WWOX: variants seen among roughly 807,000 people sequenced by gnomAD.
WWOX encodes WW domain-containing oxidoreductase.
WWOX carries 69 observed loss-of-function variants against 46.2 expected under a neutral mutation model. The ratio of observed to expected loss-of-function variants is 1.49; its 90% CI spans 1.23 to 1.82. The LOEUF (loss-of-function observed/expected upper bound fraction) is 1.82. Among genes scored for constraint, WWOX ranks in the 40% most tolerant of loss-of-function variants. WWOX has a pLI of 0.00. For synonymous variants in WWOX, 359 were observed against 202.6 expected (o/e 1.77, Z -6.56); for missense variants, 919 against 542.6 (o/e 1.69, Z -6.89).
intron 8 of WWOX, among the ~76,000 whole-genome samples, chr16:78,699,162 C>T (rs1002034306): frequency 6.6e-6 from 1 of 152,180 alleles, no homozygotes; most frequent in Admixed American, 6.5e-5. Context: ...TTTATAAAAA[C>T]AGGTCACGGG....
chr16:78,564,166 C>T (rs1348697691), intron 8 of WWOX, among the ~76,000 whole-genome samples: 1 of 152,200 alleles, frequency 6.6e-6, no homozygotes, highest in Non-Finnish European at 1.5e-5. Context: ...CTGACTCATG[C>T]AATCTTGAGC....
At chr16:78,711,021 A>G (rs2048433685) in intron 8 of WWOX, among the ~76,000 whole-genome samples, 1 of 152,200 alleles carries the variant, frequency 6.6e-6, no homozygotes, top group South Asian at 2.1e-4. Context: ...TGTCAAGGCC[A>G]GATTTCAGGA....
chr16:78,276,135 A>T (rs938454775), intron 5 of WWOX, among the ~76,000 whole-genome samples: 6 of 152,158 alleles, frequency 3.9e-5, no homozygotes, highest in African/African-American at 1.4e-4. Context: ...CATACACCTT[A>T]ACTCATGAGT....
At chr16:78,837,416 A>G (rs542094323) in intron 8 of WWOX, among the ~76,000 whole-genome samples, 15 of 152,344 alleles carry the variant, frequency 9.8e-5, no homozygotes, top group Admixed American at 1.3e-4. Context: ...AAGGCAATTC[A>G]CGGCAGTGGT....
chr16:78,715,445 T>A (rs1195678235), intron 8 of WWOX, among the ~76,000 whole-genome samples: 2 of 152,086 alleles, frequency 1.3e-5, no homozygotes, highest in Non-Finnish European at 2.9e-5. Context: ...TTTTACCAGC[T>A]GGGTCTGACT....
intron 8 of WWOX, among the ~76,000 whole-genome samples, chr16:78,696,591 G>T (rs117320966): frequency 0.013 from 1,949 of 152,240 alleles, 19 homozygotes; most frequent in South Asian, 0.036. Context: ...TATTCTACCA[G>T]GCACGGTGTT....
chr16:78,386,811 A>G lies in WWOX; in HGVS notation c.517-49A>G, dbSNP rs758275525. On this transcript the variant is annotated intron_variant, in intron 5 of 8. Transcript: ENST00000566780. ...CATTTACTGTAACTTGATACCATGAACTACACTTGCTGTTATTTATCATTT... is the reference window on the plus strand; with the variant it reads ...CATTTACTGTAACTTGATACCATGAGCTACACTTGCTGTTATTTATCATTT... 8 of 1,524,568 alleles carry G rather than the reference A, an allele frequency of 5.2e-6. No homozygotes were observed. In the South Asian group the frequency reaches 7.8e-5, roughly 15 times the overall value. The allele number at this position is 1,524,568 out of a possible 1,614,324, so 94.4% of individuals were successfully genotyped here.
intron 6 of WWOX, among the ~76,000 whole-genome samples, chr16:78,424,232 C>G (rs150080681): frequency 0.01 from 1,521 of 151,464 alleles, 23 homozygotes; most frequent in African/African-American, 0.035. Context: ...ATTCTCCGGC[C>G]TCAGCCTCCT....
At chr16:78,534,922 C>T (rs1273125972) in intron 8 of WWOX, among the ~76,000 whole-genome samples, 3 of 151,976 alleles carry the variant, frequency 2.0e-5, no homozygotes, top group South Asian at 2.1e-4. Context: ...CCATGGTGGC[C>T]GGGATGGTCT....
At chr16:79,174,031 A>T (rs920286011) in intron 8 of WWOX, among the ~76,000 whole-genome samples, 7 of 152,236 alleles carry the variant, frequency 4.6e-5, no homozygotes, top group African/African-American at 1.7e-4. Context: ...TGTATTTTCA[A>T]GATACGCAAT....
intron 8 of WWOX, among the ~76,000 whole-genome samples, chr16:78,688,909 C>T (rs904580980): frequency 3.3e-5 from 5 of 152,070 alleles, no homozygotes; most frequent in Admixed American, 6.5e-5. Context: ...TGGTTTTATA[C>T]GATGCTTTTC....
At chr16:78,385,390 T>A (rs984923519) in intron 5 of WWOX, among the ~76,000 whole-genome samples, 4 of 152,246 alleles carry the variant, frequency 2.6e-5, no homozygotes, top group Non-Finnish European at 5.9e-5. Context: ...TTAGATAATT[T>A]GTCTTCCAGA....
intron 8 of WWOX, among the ~76,000 whole-genome samples, chr16:78,885,472 A>G (rs111544293): frequency 6.6e-6 from 1 of 152,330 alleles, no homozygotes; most frequent in African/African-American, 2.4e-5. Context: ...TCTTGAACCA[A>G]AATTATGAAT....
chr16:78,814,565 C>T (rs1472010375), intron 8 of WWOX, among the ~76,000 whole-genome samples: 1 of 152,040 alleles, frequency 6.6e-6, no homozygotes, highest in Admixed American at 6.6e-5. Flanking sequence ...TGGATAAAGG[C>T]ACCTGTGTAC....
intron 8 of WWOX, among the ~76,000 whole-genome samples, chr16:78,770,716 C>T (rs970995760): frequency 7.5e-5 from 11 of 147,630 alleles, no homozygotes; most frequent in Non-Finnish European, 3.0e-5. Flanking sequence ...GGGAGCTTCG[C>T]ACCAGAACCC....
intron 6 of WWOX, among the ~76,000 whole-genome samples, chr16:78,408,643 A>G (rs2151948281): frequency 6.6e-6 from 1 of 152,338 alleles, no homozygotes; most frequent in South Asian, 2.1e-4. Flanking sequence ...AACTTGTGTC[A>G]TTCCGTTGTG....
intron 8 of WWOX, among the ~76,000 whole-genome samples, chr16:78,876,128 T>C (rs1191742211): frequency 1.3e-5 from 2 of 152,226 alleles, no homozygotes; most frequent in Non-Finnish European, 2.9e-5. Context: ...CATGACTTTC[T>C]TACCTACGCT....
intron 8 of WWOX, among the ~76,000 whole-genome samples, chr16:79,000,457 T>A (rs1012571634): frequency 1.3e-5 from 2 of 152,076 alleles, no homozygotes; most frequent in Non-Finnish European, 2.9e-5. Context: ...CCCAGTCGAA[T>A]CAGAGATGGG....
intron 8 of WWOX, among the ~76,000 whole-genome samples, chr16:79,008,955 G>A (rs577288435): frequency 6.6e-6 from 1 of 152,360 alleles, no homozygotes; most frequent in South Asian, 2.1e-4. Context: ...GCCTTGGCCA[G>A]GTATTGAGTC....
Sources: allele counts gnomAD v4.1 joint callset (sites outside exome capture counted in the v4.1 genomes callset), GRCh38; gene constraint gnomAD v4.1.1; transcripts MANE v1.5; gene names NCBI Gene and HGNC (gene_info 2026-07-23, HGNC 2026-07-21).